The following MRPS14 variants were observed in gnomAD, a reference collection of about 807,000 sequenced individuals.
The protein encoded by MRPS14 is mitochondrial ribosomal protein S14, also known as small ribosomal subunit protein uS14m.
MRPS14 carries 14 observed loss-of-function variants against 16.4 expected under a neutral mutation model. That is an observed-to-expected ratio of 0.85 (90% CI 0.56 to 1.33). The LOEUF (loss-of-function observed/expected upper bound fraction) is 1.33, where lower values mean the gene tolerates loss of function less well. Among genes scored for constraint, MRPS14 ranks in the 40% most tolerant of loss-of-function variants. The probability of loss-of-function intolerance (pLI) is 0.00; values close to 1 mark genes in which losing one functional copy is unlikely to be tolerated. For synonymous variants in MRPS14, 54 were observed against 61.9 expected, an observed-to-expected ratio of 0.87 and a Z score of 0.60; for missense variants, 162 against 176.8, an observed-to-expected ratio of 0.92 and a Z score of 0.48.
chr1:175,015,790 G>A (rs1168154940), intron 2 of MRPS14, among the ~76,000 whole-genome samples: 1 of 152,036 alleles, frequency 6.6e-6, no homozygotes, highest in Non-Finnish European at 1.5e-5. Context: ...GCTAGACTGC[G>A]GTGCAAGCAA....
rs1466874362 is a variant in MRPS14 at position 175,023,383 on chromosome 1, A to G, written c.26T>C (p.Leu9Pro). ...CCTGACCTGCTTGAACGTCCGCAGC[A>G]GCGAGCCCAGCATGAAGGCCGCCAT... MAAFMLGS[L>P]LRTFKQMVPS... Residue 9 changes from leucine to proline, a missense_variant, in exon 1 of 3, where the codon CTG (leucine) becomes CCG (proline). Transcript: ENST00000476371. 1.2e-6 allele frequency: 2 copies of G among 1,614,192 alleles called. No individual in the cohort carries two copies. Among genetic ancestry groups the G allele is most frequent in the Non-Finnish European group, 1.7e-6 (2 of 1,180,042 alleles).
At position 175,014,469 on chromosome 1, in the gene MRPS14, G is replaced by C. The variant is rs983336848; in HGVS notation, c.*200C>G. On this transcript the variant is annotated 3_prime_UTR_variant, in exon 3 of 3. Transcript: ENST00000476371. ...TGTATGGGAACAGTATGTTTGTTAA[G>C]TCCAAGAGAAAAGATAATTCACTGA... The C allele has an allele frequency of 5.7e-5, 30 of 528,886 alleles. No homozygotes were observed. Among genetic ancestry groups the C allele is most frequent in the African/African-American group, 5.4e-4 (28 of 52,300 alleles). The allele number at this position is 528,886 out of a possible 1,614,324, so 32.8% of individuals were successfully genotyped here.
chr1:175,020,138 G>A (rs1416838404), intron 1 of MRPS14, among the ~76,000 whole-genome samples: 1 of 152,176 alleles, frequency 6.6e-6, no homozygotes, highest in African/African-American at 2.4e-5. Flanking sequence ...GCTTGTCACA[G>A]AAAGAGGGGC....
intron 2 of MRPS14, among the ~76,000 whole-genome samples, chr1:175,015,820 A>C (rs1242566735): frequency 6.6e-6 from 1 of 152,250 alleles, no homozygotes; most frequent in Non-Finnish European, 1.5e-5. Flanking sequence ...TTAAAATAAC[A>C]CAAATTAAAT....
chr1:175,020,380 TTTC>T (rs1378262067), intron 1 of MRPS14, among the ~76,000 whole-genome samples: 16 of 152,344 alleles, frequency 1.1e-4, no homozygotes, highest in African/African-American at 3.8e-4. Context: ...AGATTAAGCA[TTTC>T]TTCTTTGAAT....
At chr1:175,021,334 C>A (rs901248166) in intron 1 of MRPS14, among the ~76,000 whole-genome samples, 1 of 152,198 alleles carries the variant, frequency 6.6e-6, no homozygotes, top group Non-Finnish European at 1.5e-5. Flanking sequence ...CTGGTTATTT[C>A]AATATACATG....
rs146833893 is a variant in MRPS14, at chr1:175,013,496, T to C, written c.*1173A>G. On this transcript the variant is annotated 3_prime_UTR_variant, in exon 3 of 3. Coordinates refer to ENST00000476371, the MANE Select transcript of MRPS14 (RefSeq NM_022100.3). Reference sequence around the variant, plus strand: ...TAAAACTTTAAAAATCTGTCCTCTCTCCTCTACTAATACCACAATGTTAGT... The same window carrying C: ...TAAAACTTTAAAAATCTGTCCTCTCCCCTCTACTAATACCACAATGTTAGT... 6.6e-6 allele frequency: 1 copy of C among 152,314 alleles called. No individual in the cohort carries two copies. Among genetic ancestry groups the C allele is most frequent in the Non-Finnish European group, 1.5e-5 (1 of 68,040 alleles). 9.4% of individuals were successfully genotyped at this position (152,314 alleles called of 1,614,324 possible). A position where few individuals can be genotyped will look rare whatever the true frequency, so the allele number is the denominator to read the frequency against.
In MRPS14 at chr1:175,016,311, T is replaced by C. The variant is rs191157108; in HGVS notation, c.205-1460A>G. ...GCAAGAAGATTGAAGCCAAGTTTCATGGAGGTGGACCTTAAAGAATGGCTA... is the reference window on the plus strand; with the variant it reads ...GCAAGAAGATTGAAGCCAAGTTTCACGGAGGTGGACCTTAAAGAATGGCTA... On this transcript the variant is annotated intron_variant, in intron 2 of 2. Transcript: ENST00000476371. Among the ~76,000 whole-genome samples the C allele has an allele frequency of 3.9e-5, 6 of 152,234 alleles. No individual in the cohort carries two copies. In the South Asian group the frequency reaches 8.3e-4, roughly 21 times the overall value.
At chr1:175,018,303 G>A in intron 2 of MRPS14, 115 bp downstream of exon 2, 2 of 1,030,380 alleles carry the variant, frequency 1.9e-6, no homozygotes, top group Non-Finnish European at 2.8e-6. Flanking sequence ...TATTGATGTG[G>A]ATCTTATTCT....
intron 2 of MRPS14, among the ~76,000 whole-genome samples, chr1:175,016,182 A>T (rs1187508947): frequency 1.3e-5 from 2 of 151,730 alleles, no homozygotes; most frequent in Non-Finnish European, 2.9e-5. Context: ...CAACAAGAGC[A>T]AAACCCCATC....
chr1:175,017,556 T>G (rs1371393852), intron 2 of MRPS14, among the ~76,000 whole-genome samples: 2 of 152,198 alleles, frequency 1.3e-5, no homozygotes, highest in African/African-American at 4.8e-5. Context: ...CTCAATAACT[T>G]GAGAGGCCTT....
intron 1 of MRPS14, among the ~76,000 whole-genome samples, 180 bp from the exon 2 acceptor site, chr1:175,018,756 T>C (rs187415386): frequency 2.3e-4 from 35 of 152,340 alleles, no homozygotes; most frequent in Admixed American, 1.4e-3. Context: ...TAAATAACTT[T>C]TATGGATGTA....
rs1217215093 is a variant in MRPS14 at position 175,023,346 on chromosome 1, T to A, written c.45+18A>T. 6.2e-7 allele frequency: 1 copy of A among 1,613,606 alleles called. No individual in the cohort carries two copies. On this transcript the variant is annotated intron_variant, in intron 1 of 2. Transcript: ENST00000476371. Reference sequence around the variant, plus strand: ...CAGCGGTGAGGGGTAGCGGTGTGGATAAAAGTAGAGGCCTGACCTGCTTGA... The same window carrying A: ...CAGCGGTGAGGGGTAGCGGTGTGGAAAAAAGTAGAGGCCTGACCTGCTTGA...
At chr1:175,017,979 C>G (rs112460130) in intron 2 of MRPS14, among the ~76,000 whole-genome samples, 1 of 152,096 alleles carries the variant, frequency 6.6e-6, no homozygotes, top group African/African-American at 2.4e-5. Flanking sequence ...CAAAAATTAG[C>G]CAGGCATGGT....
chr1:175,019,888 T>C (rs1262947979), intron 1 of MRPS14, among the ~76,000 whole-genome samples: 1 of 152,212 alleles, frequency 6.6e-6, no homozygotes, highest in Non-Finnish European at 1.5e-5. Context: ...AATATATGTA[T>C]AGCAGAATAT....
intron 2 of MRPS14, among the ~76,000 whole-genome samples, chr1:175,015,380 GTGAA>G (rs1055312096): frequency 1.4e-4 from 22 of 152,338 alleles, no homozygotes; most frequent in African/African-American, 4.3e-4. Context: ...TGTAAAGTAT[GTGAA>G]TGTATTTCTG....
chr1:175,015,997 C>T (rs558906000), intron 2 of MRPS14, among the ~76,000 whole-genome samples: 18 of 151,978 alleles, frequency 1.2e-4, no homozygotes, highest in Non-Finnish European at 2.1e-4. Flanking sequence ...CAAGAGTTCG[C>T]GACCAGCCTG....
chr1:175,019,649 C>T (rs966803142), intron 1 of MRPS14, among the ~76,000 whole-genome samples: 4 of 152,138 alleles, frequency 2.6e-5, no homozygotes, highest in Non-Finnish European at 5.9e-5. Flanking sequence ...TTAAAACTAT[C>T]ACTGACCTAA....
At chr1:175,023,292 GCCGTGGGGGAC>G in intron 1 of MRPS14, 61 bp downstream of exon 1, 13 of 1,585,948 alleles carry the variant, frequency 8.2e-6, no homozygotes, top group Non-Finnish European at 1.1e-5. Context: ...AGGTGGCAGA[GCCGTGGGGGAC>G]CCGTGGGTTA....
Sources: gnomAD v4.1 joint callset for allele counts (sites outside exome capture counted in the v4.1 genomes callset) on GRCh38, gnomAD v4.1.1 for gene constraint, MANE v1.5 for transcripts, NCBI Gene and HGNC (gene_info 2026-07-23, HGNC 2026-07-21) for gene names.